The following MLIP variants were observed in gnomAD, a reference collection of about 807,000 sequenced individuals.
The protein encoded by MLIP is muscular LMNA-interacting protein.
MLIP carries 79 observed loss-of-function variants against 84.8 expected under a neutral mutation model. The observed-to-expected ratio is 0.93, with a 90% confidence interval of 0.78 to 1.12. The LOEUF (loss-of-function observed/expected upper bound fraction) is 1.12, where lower values mean the gene tolerates loss of function less well. MLIP is among the 50% of genes most tolerant of loss of function. The pLI, the probability that MLIP is intolerant of heterozygous loss-of-function variation, is 0.00. For synonymous variants in MLIP, 504 were observed against 463.0 expected, an observed-to-expected ratio of 1.09 and a Z score of -1.14; for missense variants, 1,257 against 1,160.6, an observed-to-expected ratio of 1.08 and a Z score of -1.21.
At position 54,028,791 on chromosome 6, in the gene MLIP, G is replaced by A. The variant is rs559904982; in HGVS notation, c.63+9700G>A. The A allele has an allele frequency of 8.5e-5, 13 of 152,270 alleles. No individual in the cohort carries two copies. The South Asian group carries it at 2.7e-3, about 32-fold the overall frequency. The allele number at this position is 152,270 out of a possible 1,614,324, so 9.4% of individuals were successfully genotyped here. On this transcript the variant is annotated intron_variant, in intron 1 of 12. Transcript: ENST00000274897. ...CTTTCAATGAATCTCCTTCTTTTCA[G>A]CCCTTCTTTACAGTCATGCCTTTGC...
chr6:54,029,631 CT>C (rs565914810), intron 1 of MLIP, among the ~76,000 whole-genome samples: 25 of 151,682 alleles, frequency 1.6e-4, no homozygotes, highest in Admixed American at 8.6e-4. Flanking sequence ...AACCCAGCAA[CT>C]TTTTTTTTCT....
chr6:54,018,989 G>C, exon 1 of MLIP: 1 of 1,534,350 alleles, frequency 6.5e-7, no homozygotes, highest in East Asian at 2.2e-5. Context: ...CTGAACCTCT[G>C]TGTCTCTCAG....
intron 1 of MLIP, chr6:54,043,428 C>T (rs1764860027): frequency 1.3e-5 from 2 of 152,196 alleles, no homozygotes; most frequent in African/African-American, 4.8e-5. Context: ...AACAAAGGAG[C>T]TAACACAGCA....
intron 10 of MLIP, among the ~76,000 whole-genome samples, chr6:54,197,384 A>G (rs1433230821): frequency 6.6e-6 from 1 of 152,058 alleles, no homozygotes; most frequent in Non-Finnish European, 1.5e-5. Flanking sequence ...TTATCTCTAT[A>G]GACACTATAG....
At chr6:54,251,829 A>G (rs1363917912) in intron 12 of MLIP, among the ~76,000 whole-genome samples, 1 of 75,416 alleles carries the variant, frequency 1.3e-5, no homozygotes, top group Non-Finnish European at 2.4e-5. Flanking sequence ...TAATATAAAT[A>G]TATATATTAT....
intron 10 of MLIP, among the ~76,000 whole-genome samples, chr6:54,196,501 C>A (rs1778307421): frequency 6.6e-6 from 1 of 152,094 alleles, no homozygotes; most frequent in Non-Finnish European, 1.5e-5. Context: ...CATGTCCCTG[C>A]AAATGACATG....
intron 2 of MLIP, among the ~76,000 whole-genome samples, chr6:54,123,167 C>T (rs1187162091): frequency 6.7e-6 from 1 of 150,062 alleles, no homozygotes; most frequent in Non-Finnish European, 1.5e-5. Context: ...GATCTCCTGA[C>T]CTCGTGATCC....
intron 12 of MLIP, among the ~76,000 whole-genome samples, chr6:54,231,437 T>C (rs1043990452): frequency 6.6e-6 from 1 of 151,684 alleles, no homozygotes; most frequent in Non-Finnish European, 1.5e-5. Context: ...TAAAAAATAA[T>C]GAAGTGTTTC....
chr6:54,115,699 T>C (rs1769855922), intron 1 of MLIP, among the ~76,000 whole-genome samples: 1 of 152,128 alleles, frequency 6.6e-6, no homozygotes. Flanking sequence ...TGTGGAAAGA[T>C]GACTGCAGCT....
At chr6:54,099,459 A>G (rs1768475777) in intron 1 of MLIP, 1 of 152,092 alleles carries the variant, frequency 6.6e-6, no homozygotes, top group Non-Finnish European at 1.5e-5. Context: ...CTATTTTCAC[A>G]TAGTTTGAAG....
intron 1 of MLIP, among the ~76,000 whole-genome samples, chr6:54,095,718 T>G (rs909852344): frequency 6.6e-6 from 1 of 152,128 alleles, no homozygotes; most frequent in Non-Finnish European, 1.5e-5. Flanking sequence ...GAGCTTCGAG[T>G]GAAAGAGCTT....
chr6:54,030,300 G>A (rs1387051804), intron 1 of MLIP, among the ~76,000 whole-genome samples: 5 of 152,162 alleles, frequency 3.3e-5, no homozygotes, highest in African/African-American at 1.2e-4. Flanking sequence ...AAGAATGCAA[G>A]CATTACATAG....
chr6:54,176,237 T>A (rs1349237098), intron 9 of MLIP, among the ~76,000 whole-genome samples: 1 of 151,984 alleles, frequency 6.6e-6, no homozygotes, highest in Non-Finnish European at 1.5e-5. Context: ...AATACTGGTC[T>A]CATTATAGAA....
At chr6:54,198,776 G>A (rs1437816812) in intron 10 of MLIP, among the ~76,000 whole-genome samples, 3 of 152,084 alleles carry the variant, frequency 2.0e-5, no homozygotes, top group Non-Finnish European at 4.4e-5. Context: ...GCTACTTCAT[G>A]AGAGTAAATT....
chr6:54,062,007 A>C (rs1369177452), intron 1 of MLIP, among the ~76,000 whole-genome samples: 1 of 152,138 alleles, frequency 6.6e-6, no homozygotes, highest in Non-Finnish European at 1.5e-5. Flanking sequence ...TACACGTTTT[A>C]AAAATTTCAT....
chr6:54,231,538 C>G (rs1372618687), intron 12 of MLIP, among the ~76,000 whole-genome samples: 3 of 151,952 alleles, frequency 2.0e-5, no homozygotes, highest in Non-Finnish European at 4.4e-5. Context: ...TTATAGTTGG[C>G]TTTGGAATTG....
Position 54,160,604 on chromosome 6 carries a change from T to TGCTTTA in MLIP, c.2439+7_2439+12dup. Reference sequence around the variant, plus strand: ...TTACAGGATTCCTTGTCTATGGTAATGCTTTAGACTAGAATGTGCAATTCA... The same window carrying TGCTTTA: ...TTACAGGATTCCTTGTCTATGGTAATGCTTTAGCTTTAGACTAGAATGTGCAATTCA... On this transcript the variant is annotated splice_donor_region_variant and intron_variant, in intron 7 of 13. Transcript: ENST00000502396. 6.2e-7 allele frequency: 1 copy of TGCTTTA among 1,603,972 alleles called. No individual in the cohort carries two copies. The highest frequency in any genetic ancestry group is 1.7e-5 in the Admixed American group (1 of 59,500).
intron 3 of MLIP, among the ~76,000 whole-genome samples, chr6:54,126,733 TAA>T (rs200181515): frequency 1.3e-5 from 2 of 151,460 alleles, no homozygotes; most frequent in African/African-American, 4.8e-5. Context: ...GTACAAAGTC[TAA>T]AAAAAAATTA....
intron 1 of MLIP, among the ~76,000 whole-genome samples, chr6:54,080,732 T>C (rs1273739591): frequency 6.7e-6 from 1 of 148,266 alleles, no homozygotes; most frequent in Non-Finnish European, 1.5e-5. Context: ...ATATATTTAA[T>C]ATTTAATCTA....
Sources: allele counts gnomAD v4.1 joint callset (sites outside exome capture counted in the v4.1 genomes callset), GRCh38; gene constraint gnomAD v4.1.1; transcripts MANE v1.5; gene names NCBI Gene and HGNC (gene_info 2026-07-23, HGNC 2026-07-21).